Variants in KCNIP1 observed in about 807,000 individuals in gnomAD.
KCNIP1 encodes the protein potassium voltage-gated channel interacting protein 1.
KCNIP1 carries 18 observed loss-of-function variants against 33.0 expected under a neutral mutation model. That is an observed-to-expected ratio of 0.55 (90% CI 0.38 to 0.81). The LOEUF is 0.81. Among genes scored for constraint, KCNIP1 ranks in the 30% least tolerant of loss-of-function variants. KCNIP1 has a pLI of 0.00. For synonymous variants in KCNIP1, 93 were observed against 98.3 expected, an observed-to-expected ratio of 0.95 and a Z score of 0.32; for missense variants, 238 against 271.6, an observed-to-expected ratio of 0.88 and a Z score of 0.87.
rs547810069 is a variant in KCNIP1 at position 170,720,447 on chromosome 5, C to T, written c.256+57C>T. The T allele has an allele frequency of 7.4e-6, 10 of 1,357,722 alleles. No homozygotes were observed. In the African/African-American group the frequency reaches 1.0e-4, roughly 14 times the overall value. The allele number at this position is 1,357,722 out of a possible 1,614,324, so 84.1% of individuals were successfully genotyped here. ...GCTCCCTCTCTGGTAAGCAGCCTTCCCTTCCTCCAAGTCCTCTCTTCCTTG... is the reference window on the plus strand; with the variant it reads ...GCTCCCTCTCTGGTAAGCAGCCTTCTCTTCCTCCAAGTCCTCTCTTCCTTG... On this transcript the variant is annotated intron_variant, in intron 3 of 7. Coordinates refer to ENST00000328939, the MANE Select transcript of KCNIP1 (RefSeq NM_014592.4).
At chr5:170,473,613 C>A (rs1756785340) in intron 1 of KCNIP1, among the ~76,000 whole-genome samples, 1 of 152,132 alleles carries the variant, frequency 6.6e-6, no homozygotes, top group Non-Finnish European at 1.5e-5. Flanking sequence ...ACCAGGGCCC[C>A]TGGCAGCTCA....
intron 4 of KCNIP1, among the ~76,000 whole-genome samples, chr5:170,722,200 C>A (rs933349428): frequency 3.9e-5 from 6 of 152,146 alleles, no homozygotes; most frequent in Non-Finnish European, 7.3e-5. Context: ...TTCATTTACT[C>A]CAATTCCCAC....
intron 1 of KCNIP1, among the ~76,000 whole-genome samples, chr5:170,713,838 G>A (rs77058507): frequency 4.0e-5 from 6 of 151,878 alleles, no homozygotes; most frequent in East Asian, 1.9e-4. Context: ...CCTGGCTAAC[G>A]TGGTGAAAAC....
chr5:170,511,989 C>T (rs925815139), intron 1 of KCNIP1, among the ~76,000 whole-genome samples: 2 of 152,152 alleles, frequency 1.3e-5, no homozygotes, highest in Admixed American at 6.5e-5. Flanking sequence ...ACGTGCAGGC[C>T]CTGAGCAAAA....
At chr5:170,716,214 C>A (rs754004269) in intron 1 of KCNIP1, among the ~76,000 whole-genome samples, 8 of 152,202 alleles carry the variant, frequency 5.3e-5, no homozygotes, top group Non-Finnish European at 1.0e-4. Context: ...AGCGTCACAA[C>A]CAGCACGAGT....
intron 1 of KCNIP1, among the ~76,000 whole-genome samples, chr5:170,589,784 T>G (rs371071754): frequency 2.8e-4 from 19 of 67,988 alleles, no homozygotes; most frequent in African/African-American, 6.9e-4. Context: ...TGTGGTGTGA[T>G]GTGATGTGGT....
chr5:170,706,393 A>G (rs1763257360), intron 1 of KCNIP1, among the ~76,000 whole-genome samples: 2 of 152,156 alleles, frequency 1.3e-5, no homozygotes, highest in Admixed American at 1.3e-4. Context: ...ACAACTTCAC[A>G]CTAACAGCCT....
At chr5:170,440,525 C>G (rs1285890549) in intron 1 of KCNIP1, among the ~76,000 whole-genome samples, 2 of 152,122 alleles carry the variant, frequency 1.3e-5, no homozygotes. Context: ...CTTGCCTGAC[C>G]CCCTCCTAGG....
At chr5:170,380,629 C>T (rs367930647) in intron 1 of KCNIP1, among the ~76,000 whole-genome samples, 76 of 152,342 alleles carry the variant, frequency 5.0e-4, no homozygotes, top group African/African-American at 1.5e-3. Flanking sequence ...GCTGGGGAGA[C>T]GCTGGCTCCT....
At chr5:170,688,974 G>A (rs1268924075) in intron 1 of KCNIP1, among the ~76,000 whole-genome samples, 3 of 125,502 alleles carry the variant, frequency 2.4e-5, no homozygotes, top group African/African-American at 8.8e-5. Context: ...AGGGTGGAAA[G>A]AAGGAAGGAA....
chr5:170,472,290 G>C (rs935786812), intron 1 of KCNIP1, among the ~76,000 whole-genome samples: 1 of 152,220 alleles, frequency 6.6e-6, no homozygotes, highest in Non-Finnish European at 1.5e-5. Flanking sequence ...GGCCTCCCCA[G>C]GCAGATGGAG....
chr5:170,601,489 G>A (rs904600732), intron 1 of KCNIP1, among the ~76,000 whole-genome samples: 1 of 152,156 alleles, frequency 6.6e-6, no homozygotes, highest in Non-Finnish European at 1.5e-5. Context: ...TTAGAATGAG[G>A]CAGTTTATCT....
At chr5:170,665,211 A>C (rs1287947055) in intron 1 of KCNIP1, among the ~76,000 whole-genome samples, 1 of 152,226 alleles carries the variant, frequency 6.6e-6, no homozygotes, top group Non-Finnish European at 1.5e-5. Flanking sequence ...TAATCATTAG[A>C]AAATGCTGAC....
chr5:170,471,904 T>C (rs1172950651), intron 1 of KCNIP1, among the ~76,000 whole-genome samples: 5 of 152,228 alleles, frequency 3.3e-5, no homozygotes, highest in African/African-American at 1.2e-4. Context: ...ATGATACATT[T>C]ACTGGTTCAT....
intron 1 of KCNIP1, among the ~76,000 whole-genome samples, chr5:170,426,545 G>A (rs1755619295): frequency 6.6e-6 from 1 of 152,208 alleles, no homozygotes; most frequent in African/African-American, 2.4e-5. Flanking sequence ...AGTTGCCACT[G>A]GGACTCAGTT....
chr5:170,387,161 T>C (rs1764509595), intron 1 of KCNIP1, among the ~76,000 whole-genome samples: 1 of 152,226 alleles, frequency 6.6e-6, no homozygotes, highest in Non-Finnish European at 1.5e-5. Context: ...GCTATCAATG[T>C]AATCCTCCAT....
intron 1 of KCNIP1, among the ~76,000 whole-genome samples, chr5:170,580,098 C>G (rs1287377336): frequency 6.6e-6 from 1 of 152,044 alleles, no homozygotes; most frequent in African/African-American, 2.4e-5. Context: ...GGCTACTGGT[C>G]CCCTGGACGC....
chr5:170,650,341 A>G (rs1371001546), intron 1 of KCNIP1, among the ~76,000 whole-genome samples: 2 of 133,584 alleles, frequency 1.5e-5, no homozygotes, highest in Non-Finnish European at 3.2e-5. Context: ...CCACCCTGCC[A>G]TCCCCCACCT....
At chr5:170,396,768 G>A (rs911887969) in intron 1 of KCNIP1, among the ~76,000 whole-genome samples, 1 of 152,192 alleles carries the variant, frequency 6.6e-6, no homozygotes. Flanking sequence ...CAGGTAGCAG[G>A]CTTCAGAAAG....
Sources: gnomAD v4.1 joint callset for allele counts (sites outside exome capture counted in the v4.1 genomes callset) on GRCh38, gnomAD v4.1.1 for gene constraint, MANE v1.5 for transcripts, NCBI Gene and HGNC (gene_info 2026-07-23, HGNC 2026-07-21) for gene names.